RALGPS2: variants seen among roughly 807,000 people sequenced by gnomAD.
RALGPS2 encodes Ral GEF with PH domain and SH3 binding motif 2, also known as ras-specific guanine nucleotide-releasing factor RalGPS2.
Under a neutral mutation model 86.8 loss-of-function variants are expected in RALGPS2, and 43 were observed. That is an observed-to-expected ratio of 0.50 (90% CI 0.39 to 0.64). The LOEUF (loss-of-function observed/expected upper bound fraction) is 0.64, where lower values mean the gene tolerates loss of function less well. Among genes scored for constraint, RALGPS2 ranks in the 30% least tolerant of loss-of-function variants. RALGPS2 has a pLI of 0.00. For missense variants in RALGPS2, 536 were observed against 694.6 expected (o/e 0.77, Z 2.57); for synonymous variants, 243 against 231.3 (o/e 1.05, Z -0.46).
chr1:178,916,081 T>C (rs183876571), intron 19 of RALGPS2, among the ~76,000 whole-genome samples: 182 of 152,322 alleles, frequency 1.2e-3, no homozygotes, highest in African/African-American at 3.9e-3. Context: ...AAGAAAGATA[T>C]TGTCTCTACC....
In RALGPS2 at chr1:178,892,137, CAAG is replaced by C. The variant is rs923002172; in HGVS notation, c.1248-87_1248-85del. The C allele has an allele frequency of 1.2e-5, 13 of 1,102,200 alleles. No homozygotes were observed. In the African/African-American group the frequency reaches 2.1e-4, roughly 18 times the overall value. 68.3% of individuals were successfully genotyped at this position (1,102,200 alleles called of 1,614,324 possible). A position where few individuals can be genotyped will look rare whatever the true frequency, so the allele number is the denominator to read the frequency against. On this transcript the variant is annotated intron_variant, in intron 14 of 19. Transcript: ENST00000367635. ...TTGTAAGATTTAGAAAGCTATATTA[CAAG>C]AAGAAACTATTATACTGTTCTAGGT...
chr1:178,863,192 G>A (rs527969110), intron 8 of RALGPS2, among the ~76,000 whole-genome samples: 1 of 152,260 alleles, frequency 6.6e-6, no homozygotes, highest in South Asian at 2.1e-4. Context: ...TGAGGGACAT[G>A]CACACAAGAG....
In RALGPS2 at chr1:178,897,688, G is replaced by T. The variant is rs778029631; in HGVS notation, c.1456G>T (p.Ala486Ser). 1 of 1,612,400 alleles carries T rather than the reference G, an allele frequency of 6.2e-7. No individual in the cohort carries two copies. The highest frequency in any genetic ancestry group is 8.5e-7 in the Non-Finnish European group (1 of 1,178,856). ...PTVASWTKYW[A>S]ALCGTQLFYY... ...GGTAGCATCTTGGACAAAATATTGG[G>T]CAGCTTTGTGTGGGACACAGCTTTT... Residue 486 changes from alanine to serine, a missense_variant, in exon 17 of 20, where the codon GCA (alanine) becomes TCA (serine). Physicochemically the swap from Ala to Ser is moderately conservative, Grantham distance 99. This residue lies in a region of RALGPS2 where 309 missense variants were observed against 363.0 expected (regional missense o/e 0.85). Transcript: ENST00000367635.
At chr1:178,861,379 C>CA (rs1413924470) in intron 8 of RALGPS2, among the ~76,000 whole-genome samples, 1 of 151,348 alleles carries the variant, frequency 6.6e-6, no homozygotes, top group Non-Finnish European at 1.5e-5. Flanking sequence ...TTCATTAAAA[C>CA]AAAATGTGTT....
At chr1:178,898,680 T>C (rs1660043939) in intron 17 of RALGPS2, among the ~76,000 whole-genome samples, 1 of 151,960 alleles carries the variant, frequency 6.6e-6, no homozygotes, top group South Asian at 2.1e-4. Flanking sequence ...TAATCCATGG[T>C]TTCATTTTTT....
At chr1:178,734,988 CAATAA>C (rs1180240794) in intron 1 of RALGPS2, among the ~76,000 whole-genome samples, 2 of 151,538 alleles carry the variant, frequency 1.3e-5, no homozygotes, top group African/African-American at 4.8e-5. Context: ...TATTAAGAGG[CAATAA>C]AATAAAAATA....
chr1:178,829,798 G>A (rs543255251), intron 7 of RALGPS2, among the ~76,000 whole-genome samples: 13 of 151,808 alleles, frequency 8.6e-5, no homozygotes, highest in Middle Eastern at 3.4e-3. Flanking sequence ...AGGCTGTAGC[G>A]CAGTGGCACA....
intron 8 of RALGPS2, among the ~76,000 whole-genome samples, chr1:178,868,688 G>C (rs975440570): frequency 1.3e-5 from 2 of 151,952 alleles, no homozygotes; most frequent in African/African-American, 4.8e-5. Context: ...CAGCTTCCTT[G>C]TGTGTATTCT....
intron 4 of RALGPS2, among the ~76,000 whole-genome samples, chr1:178,788,769 A>G (rs1465138700): frequency 1.3e-5 from 2 of 149,494 alleles, no homozygotes; most frequent in Non-Finnish European, 3.0e-5. Context: ...TTAGGTTTTA[A>G]GTCGCTCTTT....
At chr1:178,780,967 A>G (rs1380162056) in intron 2 of RALGPS2, among the ~76,000 whole-genome samples, 1 of 151,908 alleles carries the variant, frequency 6.6e-6, no homozygotes, top group Non-Finnish European at 1.5e-5. Flanking sequence ...TTTGTAATAT[A>G]TGTTTGTTTT....
intron 8 of RALGPS2, among the ~76,000 whole-genome samples, chr1:178,871,784 A>G (rs187177842): frequency 3.9e-5 from 6 of 152,312 alleles, no homozygotes; most frequent in Admixed American, 3.3e-4. Context: ...TGGTTTAAAA[A>G]CAAACATAAC....
chr1:178,755,558 G>A (rs4271170), intron 1 of RALGPS2, among the ~76,000 whole-genome samples: 66,182 of 151,994 alleles, frequency 0.44, 15,033 homozygotes, highest in African/African-American at 0.54. Flanking sequence ...CATGGTGTAC[G>A]TGGACCACAT....
intron 8 of RALGPS2, among the ~76,000 whole-genome samples, chr1:178,835,553 C>A (rs1000604481): frequency 4.6e-5 from 7 of 152,054 alleles, no homozygotes; most frequent in Non-Finnish European, 1.0e-4. Context: ...CCACCATGCC[C>A]AGCTAATTTT....
intron 4 of RALGPS2, among the ~76,000 whole-genome samples, chr1:178,807,161 T>C (rs1278633797): frequency 2.6e-5 from 4 of 152,082 alleles, no homozygotes; most frequent in Non-Finnish European, 5.9e-5. Context: ...AGCGAGACCC[T>C]GTCTCTACAA....
intron 1 of RALGPS2, among the ~76,000 whole-genome samples, chr1:178,748,936 T>A (rs1457749936): frequency 6.6e-6 from 1 of 152,152 alleles, no homozygotes; most frequent in Non-Finnish European, 1.5e-5. Flanking sequence ...ATACTATATA[T>A]GTACTTTGAA....
chr1:178,898,271 A>T (rs1572463252), intron 17 of RALGPS2, among the ~76,000 whole-genome samples: 1 of 152,016 alleles, frequency 6.6e-6, no homozygotes, highest in Non-Finnish European at 1.5e-5. Context: ...AGAATCTTTG[A>T]AAGGAAGAAT....
At chr1:178,884,874 G>T (rs1326948200) in intron 11 of RALGPS2, among the ~76,000 whole-genome samples, 1 of 152,174 alleles carries the variant, frequency 6.6e-6, no homozygotes, top group Non-Finnish European at 1.5e-5. Flanking sequence ...CCTCTACTTA[G>T]TATAAGTAAG....
intron 7 of RALGPS2, among the ~76,000 whole-genome samples, chr1:178,831,499 C>G (rs1383512820): frequency 6.6e-6 from 1 of 151,996 alleles, no homozygotes. Context: ...TCAGGAACAT[C>G]TAGAATTCTG....
chr1:178,803,573 A>C (rs1434981020), intron 4 of RALGPS2, among the ~76,000 whole-genome samples: 2 of 152,136 alleles, frequency 1.3e-5, no homozygotes, highest in African/African-American at 2.4e-5. Flanking sequence ...TTTTGTGTGA[A>C]TATAATTTTT....
Sources: gnomAD v4.1 joint callset for allele counts (sites outside exome capture counted in the v4.1 genomes callset) on GRCh38, gnomAD v4.1.1 for gene constraint, gnomAD v4.1.1 regional missense constraint, MANE v1.5 for transcripts, NCBI Gene and HGNC (gene_info 2026-07-23, HGNC 2026-07-21) for gene names.